C3orf20: variants seen among roughly 807,000 people sequenced by gnomAD.
The protein encoded by C3orf20 is uncharacterized protein C3orf20.
C3orf20 carries 76 observed loss-of-function variants against 88.3 expected under a neutral mutation model. The observed-to-expected ratio is 0.86, with a 90% confidence interval of 0.72 to 1.04. C3orf20 has a LOEUF of 1.04. Among genes scored for constraint, C3orf20 ranks in the 50% least tolerant of loss-of-function variants. The pLI, the probability that C3orf20 is intolerant of heterozygous loss-of-function variation, is 0.00. For synonymous variants in C3orf20, 436 were observed against 437.4 expected (o/e 1.00, Z 0.04); for missense variants, 1,056 against 1,123.3 (o/e 0.94, Z 0.86).
intron 5 of C3orf20, among the ~76,000 whole-genome samples, chr3:14,690,698 C>T (rs2032684302): frequency 6.6e-6 from 1 of 152,234 alleles, no homozygotes; most frequent in South Asian, 2.1e-4. Context: ...GGAAGAAGCT[C>T]AGAGGAGAGA....
rs370964122 is a variant in C3orf20, at chr3:14,704,535, C to T, written c.1077C>T (p.Phe359=). The change falls in exon 7 of 17, where the codon TTC becomes TTT. Residue 359 remains phenylalanine (F), a synonymous_variant. Coordinates refer to ENST00000253697, the MANE Select transcript of C3orf20 (RefSeq NM_032137.5). The part of the protein sequence containing the change: ...TSHPSSANHH[F]SQHCQEGKAP... ...ACCCATCTTCTGCCAACCATCATTT[C>T]AGTCAGCATTGTCAAGAGGGGAAGG... is the stretch of plus-strand genomic sequence containing the variant. 125 of 1,614,068 alleles carry T rather than the reference C, an allele frequency of 7.7e-5. No individual in the cohort carries two copies. Among genetic ancestry groups the T allele is most frequent in the Non-Finnish European group, 1.1e-4 (124 of 1,180,020 alleles).
chr3:14,718,801 G>A (rs374881363), intron 9 of C3orf20, among the ~76,000 whole-genome samples: 10 of 152,348 alleles, frequency 6.6e-5, no homozygotes, highest in Non-Finnish European at 8.8e-5. Flanking sequence ...TTCTTCAACC[G>A]TAAGATGTCT....
chr3:14,761,198 G>C (rs2035550703), intron 14 of C3orf20, among the ~76,000 whole-genome samples: 1 of 150,994 alleles, frequency 6.6e-6, no homozygotes, highest in South Asian at 2.1e-4. Context: ...GGTTGCCCAG[G>C]GAGATATGGC....
chr3:14,709,550 G>A (rs958942741), intron 7 of C3orf20, among the ~76,000 whole-genome samples: 2 of 152,018 alleles, frequency 1.3e-5, no homozygotes, highest in African/African-American at 4.8e-5. Context: ...CTTCTATTCC[G>A]AATTTGTTGA....
intron 15 of C3orf20, among the ~76,000 whole-genome samples, chr3:14,767,864 C>G (rs2035758984): frequency 6.6e-6 from 1 of 152,366 alleles, no homozygotes; most frequent in South Asian, 2.1e-4. Context: ...GCTCTCTAAA[C>G]TGTAATGCAC....
chr3:14,759,949 A>C lies in C3orf20; in HGVS notation c.2303A>C (p.Asp768Ala), dbSNP rs1575160430. The C allele has an allele frequency of 1.9e-6, 3 of 1,613,704 alleles. No homozygotes were observed. The highest frequency in any genetic ancestry group is 1.7e-6 in the Non-Finnish European group (2 of 1,179,940). ...GACCTGGACAGCCCCCTGCAGGAGG[A>C]CCCTCCCCTGATGGTGAAGAAGAAC... ...QYDLDSPLQE[D>A]PPLMVKKNSV... The change falls in exon 14 of 17, where the codon GAC becomes GCC. Residue 768 changes from aspartate to alanine, a missense_variant. Transcript: ENST00000253697.
chr3:14,765,926 G>A (rs1276878188), intron 15 of C3orf20, among the ~76,000 whole-genome samples: 1 of 152,254 alleles, frequency 6.6e-6, no homozygotes, highest in African/African-American at 2.4e-5. Context: ...AGCTCCAGCA[G>A]GGGCTGGGGC....
intron 15 of C3orf20, among the ~76,000 whole-genome samples, chr3:14,764,105 A>G (rs972780917): frequency 6.6e-6 from 1 of 152,146 alleles, no homozygotes; most frequent in Non-Finnish European, 1.5e-5. Context: ...TACTAGATGC[A>G]CAAACACACA....
chr3:14,764,613 T>A (rs912860529), intron 15 of C3orf20, among the ~76,000 whole-genome samples: 1 of 152,044 alleles, frequency 6.6e-6, no homozygotes, highest in Non-Finnish European at 1.5e-5. Flanking sequence ...AGGTCTGTCA[T>A]ACAGTTACAG....
intron 3 of C3orf20, 69 bp downstream of exon 3, chr3:14,683,266 T>C: frequency 2.0e-6 from 3 of 1,502,018 alleles, no homozygotes; most frequent in Non-Finnish European, 2.7e-6. Flanking sequence ...AGGCACATGC[T>C]GGGAACAGGT....
chr3:14,742,322 G>A (rs756490866), intron 12 of C3orf20, among the ~76,000 whole-genome samples: 4 of 152,200 alleles, frequency 2.6e-5, no homozygotes, highest in Non-Finnish European at 5.9e-5. Flanking sequence ...AAGACTGAGG[G>A]AAAAGTAGGT....
chr3:14,716,842 CA>C (rs2033960636), intron 9 of C3orf20, among the ~76,000 whole-genome samples: 1 of 152,226 alleles, frequency 6.6e-6, no homozygotes, highest in Non-Finnish European at 1.5e-5. Flanking sequence ...AGCCCCAGAG[CA>C]ACCCTGACTC....
chr3:14,683,076 C>T lies in C3orf20; in HGVS notation c.363C>T (p.Pro121=), dbSNP rs1175288070. Reference sequence around the variant, plus strand: ...CAGCCAAGCGCTCCACCCTCTCTCCCACCATGGCCCGTCAGGTGCGCACCC... The same window carrying T: ...CAGCCAAGCGCTCCACCCTCTCTCCTACCATGGCCCGTCAGGTGCGCACCC... The part of the protein sequence containing the change: ...TGAAKRSTLS[P]TMARQVRTHQ... Residue 121 remains proline (P), a synonymous_variant, in exon 3 of 17, where the codon CCC becomes CCT. Coordinates refer to ENST00000253697, the MANE Select transcript of C3orf20 (RefSeq NM_032137.5). 1.9e-6 allele frequency: 3 copies of T among 1,612,010 alleles called. No homozygotes were observed. Among genetic ancestry groups the T allele is most frequent in the Admixed American group, 1.7e-5 (1 of 59,612 alleles).
In C3orf20 at chr3:14,717,334, A is replaced by AG. The variant is rs375573751; in HGVS notation, c.1434+1926dup. ...GGAGCTGCATGCAGAAGAGCACAACAGAGGCATGTGAAGTCAGGAGTGGCC... is the reference window on the plus strand; with the variant it reads ...GGAGCTGCATGCAGAAGAGCACAACAGGAGGCATGTGAAGTCAGGAGTGGCC... On this transcript the variant is annotated intron_variant, in intron 9 of 16. Coordinates refer to ENST00000253697, the MANE Select transcript of C3orf20 (RefSeq NM_032137.5). Among the ~76,000 whole-genome samples, 736 of 152,306 alleles carry AG rather than the reference A, an allele frequency of 4.8e-3. 7 individuals are homozygous for AG. The highest frequency in any genetic ancestry group is 0.017 in the African/African-American group (691 of 41,576).
intron 9 of C3orf20, among the ~76,000 whole-genome samples, chr3:14,716,991 G>A (rs1287951856): frequency 1.3e-5 from 2 of 152,178 alleles, no homozygotes; most frequent in Admixed American, 6.5e-5. Context: ...TATGAAAAGT[G>A]TATAATCCAA....
chr3:14,689,148 G>A (rs2032588163), intron 4 of C3orf20, among the ~76,000 whole-genome samples: 1 of 152,118 alleles, frequency 6.6e-6, no homozygotes. Flanking sequence ...CACCAGCAGG[G>A]TTGATGGGTT....
At position 14,769,193 on chromosome 3, in the gene C3orf20, G is replaced by A. The variant is rs77497757; in HGVS notation, c.2496-2874G>A. Among the ~76,000 whole-genome samples, 1,449 of 152,134 alleles carry A rather than the reference G, an allele frequency of 9.5e-3. 18 individuals carry two copies. The highest frequency in any genetic ancestry group is 0.014 in the Middle Eastern group (4 of 294). ...TAATAAGCACGGAGGCAGAGGGGAC[G>A]GTGGAGGAAATCTCACCTTCTGCTA... On this transcript the variant is annotated intron_variant, in intron 15 of 16. Transcript: ENST00000253697.
intron 15 of C3orf20, among the ~76,000 whole-genome samples, chr3:14,770,245 G>T (rs573377390): frequency 6.6e-6 from 1 of 152,200 alleles, no homozygotes; most frequent in Non-Finnish European, 1.5e-5. Flanking sequence ...TTTAGTGTGT[G>T]TGCTCCTTGT....
intron 9 of C3orf20, among the ~76,000 whole-genome samples, chr3:14,718,718 G>C (rs2034031480): frequency 6.6e-6 from 1 of 152,204 alleles, no homozygotes; most frequent in Non-Finnish European, 1.5e-5. Context: ...AATGAACTTG[G>C]TTAGACTGAA....
Sources: gnomAD v4.1 joint callset for allele counts (sites outside exome capture counted in the v4.1 genomes callset) on GRCh38, gnomAD v4.1.1 for gene constraint, MANE v1.5 for transcripts, NCBI Gene and HGNC (gene_info 2026-07-23, HGNC 2026-07-21) for gene names.